PALS2: variants seen among roughly 807,000 people sequenced by gnomAD.
The protein encoded by PALS2 is protein PALS2.
Under a neutral mutation model 61.6 loss-of-function variants are expected in PALS2, and 27 were observed. That is an observed-to-expected ratio of 0.44 (90% CI 0.32 to 0.60). The LOEUF is 0.60. PALS2 is among the 20% of genes least tolerant of loss of function. PALS2 has a pLI of 0.05. For missense variants in PALS2, 554 were observed against 639.4 expected, an observed-to-expected ratio of 0.87 and a Z score of 1.44; for synonymous variants, 236 against 218.6, an observed-to-expected ratio of 1.08 and a Z score of -0.70.
chr7:24,634,215 G>GTTTTTGT (rs1385018002), intron 2 of PALS2, among the ~76,000 whole-genome samples: 1 of 151,986 alleles, frequency 6.6e-6, no homozygotes, highest in Non-Finnish European at 1.5e-5. Context: ...AAGCACAGAA[G>GTTTTTGT]TTTTTGTTTT....
intron 2 of PALS2, among the ~76,000 whole-genome samples, chr7:24,639,550 A>G (rs766304579): frequency 2.2e-4 from 33 of 152,074 alleles, no homozygotes; most frequent in Admixed American, 9.2e-4. Flanking sequence ...AAAGAATTGG[A>G]GTATTACAAG....
chr7:24,641,595 G>T, intron 2 of PALS2, 121 bp from the exon 3 acceptor site: 1 of 785,602 alleles, frequency 1.3e-6, no homozygotes, highest in Non-Finnish European at 1.9e-6. Context: ...TATTAAATTT[G>T]GTTTACATGA....
rs1782541399 is a variant in PALS2, at chr7:24,573,759, G to A, written c.-3+166G>A. ...GGGCGCGGGGAAGAGGGACCGGCAG[G>A]CGGCGGCGGCGGCGCCGCGGTCGGG... On this transcript the variant is annotated intron_variant, in intron 1 of 11. Transcript: ENST00000222644. This position sits in a 1 kb window ranked among gnomAD's most constrained non-coding sequence, Gnocchi z 5.3. 6.8e-6 allele frequency among the ~76,000 whole-genome samples: 1 copy of A among 146,640 alleles called. No homozygotes were observed. Among genetic ancestry groups the A allele is most frequent in the African/African-American group, 2.4e-5 (1 of 40,830 alleles).
rs187304757 is a variant in PALS2, at chr7:24,621,828, A to G, written c.-2-1838A>G. Among the ~76,000 whole-genome samples, 7 of 152,160 alleles carry G rather than the reference A, an allele frequency of 4.6e-5. No individual in the cohort carries two copies. In the East Asian group the frequency reaches 1.3e-3, roughly 29 times the overall value. ...TACTGTTGATTTATTCTATGAGCTA[A>G]GAGATAAAACTAATAAAATTAAGAT... On this transcript the variant is annotated intron_variant, in intron 1 of 11. Transcript: ENST00000222644.
In PALS2 at chr7:24,687,097, A is replaced by G. The variant is rs1788242378; in HGVS notation, c.1447-341A>G. On this transcript the variant is annotated intron_variant, in intron 11 of 11. Coordinates refer to ENST00000222644, the MANE Select transcript of PALS2 (RefSeq NM_001303037.2). The surrounding 1 kb of genome is among the most constrained non-coding windows in gnomAD (Gnocchi z 4.5). ...ATAAAAATCTTTCGAAAAGGATGATATAGTGGAGCTGGAAACCAGTCACCT... is the reference window on the plus strand; with the variant it reads ...ATAAAAATCTTTCGAAAAGGATGATGTAGTGGAGCTGGAAACCAGTCACCT... 6.6e-6 allele frequency among the ~76,000 whole-genome samples: 1 copy of G among 152,236 alleles called. No homozygotes were observed. Among genetic ancestry groups the G allele is most frequent in the South Asian group, 2.1e-4 (1 of 4,828 alleles).
chr7:24,609,562 A>C (rs1479391831), intron 1 of PALS2, among the ~76,000 whole-genome samples: 2 of 151,976 alleles, frequency 1.3e-5, no homozygotes, highest in Non-Finnish European at 2.9e-5. Context: ...TGAAAAAAGG[A>C]ATTTTTTTCT....
At chr7:24,671,529 T>G (rs1583987209) in intron 9 of PALS2, among the ~76,000 whole-genome samples, 1 of 152,314 alleles carries the variant, frequency 6.6e-6, no homozygotes, top group East Asian at 1.9e-4. Flanking sequence ...GTTTTTCATT[T>G]TGATGAAGTC....
chr7:24,682,435 C>T (rs1220995344), intron 11 of PALS2, among the ~76,000 whole-genome samples: 1 of 152,144 alleles, frequency 6.6e-6, no homozygotes, highest in Admixed American at 6.5e-5. Flanking sequence ...ACTCTTGCCA[C>T]CTGGGTCTCC....
intron 1 of PALS2, among the ~76,000 whole-genome samples, chr7:24,615,826 C>G (rs1359941094): frequency 1.3e-5 from 2 of 151,988 alleles, no homozygotes; most frequent in Non-Finnish European, 2.9e-5. Context: ...ATTATCAAAC[C>G]AAATCCAACA....
At chr7:24,588,320 T>C (rs1783153860) in intron 1 of PALS2, among the ~76,000 whole-genome samples, 1 of 152,224 alleles carries the variant, frequency 6.6e-6, no homozygotes, top group African/African-American at 2.4e-5. Context: ...GGGTATATCT[T>C]AGACATTTCA....
intron 1 of PALS2, chr7:24,619,924 A>G (rs1784432348): frequency 6.6e-6 from 1 of 152,010 alleles, no homozygotes; most frequent in South Asian, 2.1e-4. Flanking sequence ...CTCCTATCTT[A>G]ACTTTGTAAG....
chr7:24,666,967 A>C (rs755889834), intron 8 of PALS2: 2 of 152,184 alleles, frequency 1.3e-5, no homozygotes, highest in Non-Finnish European at 2.9e-5. Context: ...TTGACTTCAG[A>C]GCTACCTCTA....
chr7:24,668,710 G>A lies in PALS2; in HGVS notation c.1114+50G>A, dbSNP rs186331571. 2,732 of 1,577,628 alleles carry A rather than the reference G, an allele frequency of 1.7e-3. 55 individuals carry two copies. Among genetic ancestry groups the A allele is most frequent in the East Asian group, 6.9e-4 (31 of 44,642 alleles). The stretch of plus-strand genomic sequence containing the variant: ...TATGCAATTGGCAGGAAAGAGTATG[G>A]GCATATGGAGGAAAGGGGGATTATT... On this transcript the variant is annotated intron_variant, in intron 9 of 11. Coordinates refer to ENST00000222644, the MANE Select transcript of PALS2 (RefSeq NM_001303037.2).
chr7:24,658,847 AC>A (rs1786566639), intron 5 of PALS2, among the ~76,000 whole-genome samples: 1 of 151,788 alleles, frequency 6.6e-6, no homozygotes, highest in Non-Finnish European at 1.5e-5. Flanking sequence ...GAGCCACTGC[AC>A]CCGGCCCTTC....
intron 2 of PALS2, among the ~76,000 whole-genome samples, chr7:24,640,798 G>A (rs1204156336): frequency 1.3e-5 from 2 of 151,960 alleles, no homozygotes; most frequent in East Asian, 3.9e-4. Context: ...CACGAGGTCA[G>A]GAGATCAAGA....
At chr7:24,583,892 A>G (rs1312170745) in intron 1 of PALS2, among the ~76,000 whole-genome samples, 1 of 151,488 alleles carries the variant, frequency 6.6e-6, no homozygotes, top group Non-Finnish European at 1.5e-5. Context: ...GTTCCCACCT[A>G]TGAGTGAGAA....
chr7:24,583,959 A>G (rs375829654), intron 1 of PALS2, among the ~76,000 whole-genome samples: 24 of 150,468 alleles, frequency 1.6e-4, no homozygotes, highest in East Asian at 5.8e-4. Flanking sequence ...ATGATTTCCA[A>G]TTTCATCCAT....
intron 3 of PALS2, among the ~76,000 whole-genome samples, chr7:24,647,766 C>A (rs1785917987): frequency 6.6e-6 from 1 of 152,036 alleles, no homozygotes; most frequent in Admixed American, 6.6e-5. Flanking sequence ...TTTTTTCAGT[C>A]TTTTTTTAAA....
chr7:24,687,637 A>G lies in PALS2; in HGVS notation c.*23A>G. 1.3e-6 allele frequency: 2 copies of G among 1,566,910 alleles called. No individual in the cohort carries two copies. The highest frequency in any genetic ancestry group is 1.7e-6 in the Non-Finnish European group (2 of 1,162,462). On this transcript the variant is annotated 3_prime_UTR_variant, in exon 12 of 12. Transcript: ENST00000222644. This position sits in a 1 kb window ranked among gnomAD's most constrained non-coding sequence, Gnocchi z 4.5. ...TGATGATTCAGTAAGGTTAACAATG[A>G]AAATTAAACTCTTAAAAAGTGACTG...
Sources: allele counts gnomAD v4.1 joint callset (sites outside exome capture counted in the v4.1 genomes callset), GRCh38; gene constraint gnomAD v4.1.1; non-coding constraint Gnocchi (gnomAD v3.1); transcripts MANE v1.5; gene names NCBI Gene and HGNC (gene_info 2026-07-23, HGNC 2026-07-21).